WHRN: variants seen among roughly 807,000 people sequenced by gnomAD.
WHRN encodes CASK-interacting protein CIP98.
In WHRN, 41 loss-of-function variants were observed where a neutral mutation model predicts 68.3. The observed-to-expected ratio is 0.60, with a 90% CI of 0.47 to 0.78. The LOEUF is 0.78. Ranked by LOEUF, WHRN falls within the 30% of genes least tolerant of loss-of-function variation. The probability of loss-of-function intolerance (pLI) is 0.00; values close to 1 mark genes in which losing one functional copy is unlikely to be tolerated. For missense variants in WHRN, 1,243 were observed against 1,244.7 expected (o/e 1.00, Z 0.02); for synonymous variants, 560 against 561.3 (o/e 1.00, Z 0.03).
Position 114,505,113 on chromosome 9 carries a change from G to C in WHRN, c.-312C>G. 3.1e-6 allele frequency: 1 copy of C among 317,476 alleles called. No individual in the cohort carries two copies. The highest frequency in any genetic ancestry group is 5.7e-6 in the Non-Finnish European group (1 of 176,224). 19.7% of individuals were successfully genotyped at this position (317,476 alleles called of 1,614,324 possible). A position where few individuals can be genotyped will look rare whatever the true frequency, so the allele number is the denominator to read the frequency against. On this transcript the variant is annotated 5_prime_UTR_variant, in exon 1 of 12. Transcript: ENST00000362057. ...GTGGCGGAGACTGCTGCTGGAGTCC[G>C]GGGGGCGCGGGGTCAGCAGCTACAT...
chr9:114,425,127 G>A, intron 4 of WHRN, 103 bp from the exon 5 acceptor site: 1 of 1,215,778 alleles, frequency 8.2e-7, no homozygotes, highest in Non-Finnish European at 1.2e-6. Context: ...AGCTTCAAGA[G>A]AACCATGCAT....
chr9:114,407,891 A>G, intron 8 of WHRN, 56 bp downstream of exon 8: 1 of 1,466,306 alleles, frequency 6.8e-7, no homozygotes, highest in Non-Finnish European at 9.4e-7. Flanking sequence ...GGAGAGAGCC[A>G]CCAGGACCTG....
At chr9:114,428,931 C>CTTT (rs5900087) in intron 3 of WHRN, among the ~76,000 whole-genome samples, 2 of 146,294 alleles carry the variant, frequency 1.4e-5, no homozygotes. Flanking sequence ...AGATTAATTT[C>CTTT]TTTTTTTTTT....
chr9:114,500,346 G>T (rs1045577232), intron 1 of WHRN, among the ~76,000 whole-genome samples: 1 of 152,172 alleles, frequency 6.6e-6, no homozygotes, highest in Non-Finnish European at 1.5e-5. Flanking sequence ...AGTTGGAAGA[G>T]GTAATAATTT....
chr9:114,500,880 T>C (rs1843863650), intron 1 of WHRN, among the ~76,000 whole-genome samples: 1 of 152,242 alleles, frequency 6.6e-6, no homozygotes, highest in Admixed American at 6.5e-5. Flanking sequence ...CCTGATATAG[T>C]AGGATGCTAC....
chr9:114,433,375 C>G (rs959075885), intron 3 of WHRN, among the ~76,000 whole-genome samples: 10 of 152,210 alleles, frequency 6.6e-5, no homozygotes, highest in African/African-American at 1.2e-4. Context: ...GCGCGTGCAC[C>G]TGTACCAGCC....
intron 2 of WHRN, among the ~76,000 whole-genome samples, chr9:114,473,888 C>T (rs773380964): frequency 3.3e-5 from 5 of 152,190 alleles, no homozygotes; most frequent in Non-Finnish European, 7.3e-5. Flanking sequence ...CAGACTGGAT[C>T]CTCTAGCCTG....
intron 7 of WHRN, among the ~76,000 whole-genome samples, chr9:114,408,309 G>A (rs1835184827): frequency 6.6e-6 from 1 of 152,192 alleles, no homozygotes; most frequent in Non-Finnish European, 1.5e-5. Flanking sequence ...GAATTCCTGG[G>A]TTTGGCCACG....
chr9:114,408,502 C>CA (rs1395594659), intron 7 of WHRN, among the ~76,000 whole-genome samples: 1 of 152,008 alleles, frequency 6.6e-6, no homozygotes, highest in Non-Finnish European at 1.5e-5. Context: ...CCTTATTTTG[C>CA]AAAAAACGTC....
At chr9:114,409,923 C>T (rs1835310268) in intron 7 of WHRN, among the ~76,000 whole-genome samples, 3 of 152,082 alleles carry the variant, frequency 2.0e-5, no homozygotes, top group South Asian at 4.1e-4. Context: ...GGTCTCTCTG[C>T]AGCTCAGGAC....
At chr9:114,426,535 G>T in intron 3 of WHRN, 122 bp from the exon 4 acceptor site, 1 of 1,145,208 alleles carries the variant, frequency 8.7e-7, no homozygotes, top group Non-Finnish European at 1.3e-6. Context: ...TCCAGGATCA[G>T]AGAGGATGTG....
At chr9:114,466,226 C>A in intron 3 of WHRN, 41 bp downstream of exon 3, 1 of 1,612,722 alleles carries the variant, frequency 6.2e-7, no homozygotes. Flanking sequence ...CAGCAAAGAG[C>A]TCCATGCACA....
intron 2 of WHRN, among the ~76,000 whole-genome samples, chr9:114,474,416 A>G (rs1219494100): frequency 3.3e-5 from 5 of 152,094 alleles, no homozygotes; most frequent in Non-Finnish European, 7.4e-5. Context: ...TGTCTACAGA[A>G]AAAAAGTGTC....
At chr9:114,447,504 A>G (rs1445608143) in intron 3 of WHRN, among the ~76,000 whole-genome samples, 1 of 152,222 alleles carries the variant, frequency 6.6e-6, no homozygotes, top group Admixed American at 6.5e-5. Flanking sequence ...TATTAAGAGC[A>G]TGGTACTTCT....
rs141609167 is a variant in WHRN, at chr9:114,486,153, G to C, written c.619-7382C>G. Among the ~76,000 whole-genome samples the C allele has an allele frequency of 6.6e-5, 10 of 152,246 alleles. No homozygotes were observed. The East Asian group carries it at 1.9e-3, about 29-fold the overall frequency. On this transcript the variant is annotated intron_variant, in intron 1 of 11. Transcript: ENST00000362057. ...CTGCCAGTTCCTTCTCCCAAACAGA[G>C]GTCCCAGAAATTCTCTAAACCTCGA...
In WHRN at chr9:114,450,453, A is replaced by G. The variant is rs1265117834; in HGVS notation, c.963+15814T>C. Among the ~76,000 whole-genome samples the G allele has an allele frequency of 2.0e-5, 3 of 152,258 alleles. No individual in the cohort carries two copies. The East Asian group carries it at 5.8e-4, about 29-fold the overall frequency. On this transcript the variant is annotated intron_variant, in intron 3 of 11. Coordinates refer to ENST00000362057, the MANE Select transcript of WHRN (RefSeq NM_015404.4). ...GCCCTGGCTGGGTGTTAGAGGACAGAGCCAAGCCTGCAACCTTGGCCAGCC... is the reference window on the plus strand; with the variant it reads ...GCCCTGGCTGGGTGTTAGAGGACAGGGCCAAGCCTGCAACCTTGGCCAGCC...
intron 7 of WHRN, among the ~76,000 whole-genome samples, chr9:114,420,509 T>A (rs1295122128): frequency 2.6e-5 from 4 of 152,168 alleles, no homozygotes; most frequent in Non-Finnish European, 5.9e-5. Context: ...GAGGGCCCTG[T>A]TTGGAAGCCT....
chr9:114,486,959 GTATATATATA>G (rs869241280), intron 1 of WHRN, among the ~76,000 whole-genome samples: 26 of 5,004 alleles, frequency 5.2e-3, no homozygotes, highest in African/African-American at 5.8e-3. Flanking sequence ...GTGTGTGTGT[GTATATATATA>G]TATATATATA....
chr9:114,491,900 C>T (rs1455209559), intron 1 of WHRN, among the ~76,000 whole-genome samples: 1 of 151,964 alleles, frequency 6.6e-6, no homozygotes, highest in African/African-American at 2.4e-5. Flanking sequence ...TTCCTTCCCC[C>T]ATCAGGTGGC....
Sources: allele counts gnomAD v4.1 joint callset (sites outside exome capture counted in the v4.1 genomes callset), GRCh38; gene constraint gnomAD v4.1.1; transcripts MANE v1.5; gene names NCBI Gene and HGNC (gene_info 2026-07-23, HGNC 2026-07-21).